STARD13: variants seen among roughly 807,000 people sequenced by gnomAD.
STARD13 encodes StAR related lipid transfer domain containing 13.
Under a neutral mutation model 106.4 loss-of-function variants are expected in STARD13, and 62 were observed. That is an observed-to-expected ratio of 0.58 (90% confidence interval 0.48 to 0.72). The LOEUF is 0.72. STARD13 is among the 30% of genes least tolerant of loss of function. STARD13 has a pLI of 0.00. For missense variants in STARD13, 1,387 were observed against 1,424.0 expected, an observed-to-expected ratio of 0.97 and a Z score of 0.42; for synonymous variants, 565 against 553.0, an observed-to-expected ratio of 1.02 and a Z score of -0.31.
rs938505679 is a variant in STARD13, at chr13:33,338,339, C to T, written c.124+11951G>A. On this transcript the variant is annotated intron_variant, in intron 1 of 5. Coordinates refer to the STARD13 transcript ENST00000567873. ...AGTTAAATGGGACCTTAGAGATTATCTAGTCCAATTTCTCTCATTTTAATT... is the reference window on the plus strand; with the variant it reads ...AGTTAAATGGGACCTTAGAGATTATTTAGTCCAATTTCTCTCATTTTAATT... Among the ~76,000 whole-genome samples, 5 of 152,158 alleles carry T rather than the reference C, an allele frequency of 3.3e-5. No homozygotes were observed. The East Asian group carries it at 7.7e-4, about 23-fold the overall frequency.
upstream of STARD13, among the ~76,000 whole-genome samples, chr13:33,286,490 A>G (rs1237109276): frequency 6.6e-6 from 1 of 152,222 alleles, no homozygotes; most frequent in African/African-American, 2.4e-5. Flanking sequence ...ACACTGAATC[A>G]TTTAAGACAA....
chr13:33,494,941 T>C, the STARD13 span, among the ~76,000 whole-genome samples: 1 of 152,118 alleles, frequency 6.6e-6, no homozygotes, highest in Non-Finnish European at 1.5e-5. Flanking sequence ...TACTTAGGGT[T>C]CCCACGACAA....
intron 1 of STARD13, among the ~76,000 whole-genome samples, chr13:33,256,765 C>T (rs1160108468): frequency 6.6e-6 from 1 of 152,180 alleles, no homozygotes; most frequent in Non-Finnish European, 1.5e-5. Context: ...TGACTCATTG[C>T]TGCTAACCCC....
At chr13:33,315,299 C>G (rs992185129) in intron 1 of STARD13, among the ~76,000 whole-genome samples, 1 of 152,170 alleles carries the variant, frequency 6.6e-6, no homozygotes, top group Non-Finnish European at 1.5e-5. Flanking sequence ...CAAATCCTTC[C>G]ACTGAAGAGA....
At chr13:33,144,748 CACATTTGGTGGCTCTGTA>C (rs1183987100) in intron 3 of STARD13, among the ~76,000 whole-genome samples, 1 of 152,126 alleles carries the variant, frequency 6.6e-6, no homozygotes, top group Non-Finnish European at 1.5e-5. Context: ...GTGGATATTG[CACATTTGGTGGCTCTGTA>C]ACAGGTTTGT....
intron 1 of STARD13, among the ~76,000 whole-genome samples, chr13:33,182,113 A>C (rs1437148685): frequency 6.6e-6 from 1 of 152,250 alleles, no homozygotes; most frequent in Non-Finnish European, 1.5e-5. Flanking sequence ...ACACATGTAC[A>C]CACATCATAC....
At chr13:33,190,385 T>C (rs966206883) in intron 1 of STARD13, among the ~76,000 whole-genome samples, 1 of 152,136 alleles carries the variant, frequency 6.6e-6, no homozygotes, top group Non-Finnish European at 1.5e-5. Context: ...CCTATCACTG[T>C]ACTCCAGCCA....
the STARD13 span, among the ~76,000 whole-genome samples, chr13:33,519,217 T>TTTCTTTCTTTCC: frequency 9.1e-6 from 1 of 109,706 alleles, no homozygotes; most frequent in African/African-American, 3.7e-5. Flanking sequence ...TTTTTCTTTC[T>TTTCTTTCTTTCC]TTCTTTCTTT....
chr13:33,368,747 G>A, the STARD13 span, among the ~76,000 whole-genome samples: 3 of 152,136 alleles, frequency 2.0e-5, no homozygotes, highest in East Asian at 1.9e-4. Flanking sequence ...TGGTGGCTGC[G>A]GATATGAGGC....
At chr13:33,329,275 T>C (rs2077810281) in intron 1 of STARD13, among the ~76,000 whole-genome samples, 1 of 152,164 alleles carries the variant, frequency 6.6e-6, no homozygotes, top group African/African-American at 2.4e-5. Flanking sequence ...TTTGTGACAA[T>C]TTAGTTTTTA....
intron 1 of STARD13, among the ~76,000 whole-genome samples, chr13:33,319,786 A>G (rs1414964359): frequency 2.0e-5 from 3 of 152,210 alleles, no homozygotes; most frequent in Non-Finnish European, 4.4e-5. Context: ...TCATAGCTCA[A>G]TATTTATAAG....
At chr13:33,490,191 G>T in the STARD13 span, among the ~76,000 whole-genome samples, 1 of 151,942 alleles carries the variant, frequency 6.6e-6, no homozygotes, top group Non-Finnish European at 1.5e-5. Context: ...TGCTTATTTT[G>T]CGCTGGGGAA....
chr13:33,309,163 A>T lies in STARD13; in HGVS notation c.124+41127T>A, dbSNP rs563111207. Among the ~76,000 whole-genome samples, 4 of 152,326 alleles carry T rather than the reference A, an allele frequency of 2.6e-5. No individual in the cohort carries two copies. The South Asian group carries it at 8.3e-4, about 32-fold the overall frequency. On this transcript the variant is annotated intron_variant, in intron 1 of 5. Coordinates refer to the STARD13 transcript ENST00000567873. ...TCCAATAACTCAATACATTTTCTTA[A>T]TATAAAAGCTCTAGCCAGGTTGATA...
intron 1 of STARD13, among the ~76,000 whole-genome samples, chr13:33,294,022 C>T (rs1482418780): frequency 6.6e-6 from 1 of 152,130 alleles, no homozygotes; most frequent in African/African-American, 2.4e-5. Context: ...TGGCTAGTGA[C>T]AAAAGTATAT....
intron 3 of STARD13, among the ~76,000 whole-genome samples, chr13:33,154,107 T>C (rs1881649549): frequency 6.6e-6 from 1 of 152,186 alleles, no homozygotes; most frequent in African/African-American, 2.4e-5. Context: ...TTCTGGTATG[T>C]AACTCCATGA....
chr13:33,421,637 A>G, the STARD13 span, among the ~76,000 whole-genome samples: 1 of 152,198 alleles, frequency 6.6e-6, no homozygotes, highest in African/African-American at 2.4e-5. Flanking sequence ...GCAGAGACAC[A>G]ACAATAAAAG....
chr13:33,214,959 CTTGT>C (rs1887944514), intron 1 of STARD13, among the ~76,000 whole-genome samples: 1 of 152,078 alleles, frequency 6.6e-6, no homozygotes, highest in South Asian at 2.1e-4. Context: ...GAAACAGAAT[CTTGT>C]TTAAGTCCTT....
the STARD13 span, among the ~76,000 whole-genome samples, chr13:33,483,459 G>A: frequency 3.3e-5 from 5 of 152,124 alleles, no homozygotes; most frequent in Non-Finnish European, 7.4e-5. Flanking sequence ...ACATAGAAAT[G>A]ATATTTACAG....
At chr13:33,522,300 CA>C in the STARD13 span, among the ~76,000 whole-genome samples, 1 of 152,050 alleles carries the variant, frequency 6.6e-6, no homozygotes, top group East Asian at 1.9e-4. Context: ...CACTCATGCA[CA>C]GCACCCCCAT....
Sources: gnomAD v4.1 joint callset for allele counts (sites outside exome capture counted in the v4.1 genomes callset) on GRCh38, gnomAD v4.1.1 for gene constraint, MANE v1.5 for transcripts, NCBI Gene and HGNC (gene_info 2026-07-23, HGNC 2026-07-21) for gene names.